The following MOB1B variants were observed in gnomAD, a reference collection of about 807,000 sequenced individuals.
MOB1B encodes MOB1 Mps One Binder homolog B.
Under a neutral mutation model 24.4 loss-of-function variants are expected in MOB1B, and 19 were observed. The observed-to-expected ratio is 0.78, with a 90% CI of 0.54 to 1.14. The LOEUF is 1.14. Among genes scored for constraint, MOB1B ranks in the 50% most tolerant of loss-of-function variants. MOB1B has a pLI of 0.00. For synonymous variants in MOB1B, 76 were observed against 82.1 expected (o/e 0.93, Z 0.40); for missense variants, 243 against 259.6 (o/e 0.94, Z 0.44).
chr4:70,949,852 G>A (rs1282254897), intron 1 of MOB1B, among the ~76,000 whole-genome samples: 2 of 152,066 alleles, frequency 1.3e-5, no homozygotes, highest in Non-Finnish European at 2.9e-5. Flanking sequence ...TGAGGCTGCA[G>A]TGAGCTGTGT....
At chr4:70,935,688 T>TA (rs1454979354) in intron 1 of MOB1B, among the ~76,000 whole-genome samples, 1 of 151,748 alleles carries the variant, frequency 6.6e-6, no homozygotes, top group Non-Finnish European at 1.5e-5. Context: ...GACAGGGTCT[T>TA]ACTCTGTCAC....
At chr4:70,938,313 G>T (rs370170098) in intron 1 of MOB1B, among the ~76,000 whole-genome samples, 1 of 2,318 alleles carries the variant, frequency 4.3e-4, no homozygotes, top group Non-Finnish European at 8.3e-4. Flanking sequence ...CAGATTTGCC[G>T]CCCCCGCCCC....
At position 70,902,482 on chromosome 4, in the gene MOB1B, C is replaced by A; in HGVS notation, c.-55C>A. 6.5e-7 allele frequency: 1 copy of A among 1,546,760 alleles called. No homozygotes were observed. The highest frequency in any genetic ancestry group is 8.7e-7 in the Non-Finnish European group (1 of 1,143,066). On this transcript the variant is annotated 5_prime_UTR_variant, in exon 1 of 6. Transcript: ENST00000309395. ...TCGCCTTTCCTCTTCTTTCCTGGCC[C>A]ACGCCGCTCCGAGGCCTCGCGACCG...
At chr4:70,929,295 T>G (rs1404127285) in intron 1 of MOB1B, among the ~76,000 whole-genome samples, 1 of 149,656 alleles carries the variant, frequency 6.7e-6, no homozygotes, top group Non-Finnish European at 1.5e-5. Flanking sequence ...TCTCCTGCAT[T>G]AGCCTCCCAA....
chr4:70,967,162 C>G (rs1272670508), intron 2 of MOB1B, among the ~76,000 whole-genome samples: 9 of 145,788 alleles, frequency 6.2e-5, no homozygotes, highest in Admixed American at 5.5e-4. Context: ...GAGACGGAGT[C>G]TCGCTCTGTC....
Position 70,950,415 on chromosome 4 carries a change from A to C in MOB1B, c.15-8459A>C, listed in dbSNP as rs1737752531. Among the ~76,000 whole-genome samples the C allele has an allele frequency of 1.4e-5, 2 of 144,840 alleles. 1 individual carries two copies. The highest frequency in any genetic ancestry group is 1.4e-4 in the Admixed American group (2 of 14,680). ...AGCCCTCTAGCCTGGGTGACAGAGC[A>C]AGTCTCTGTATCAAAAAAAAAAAAA... On this transcript the variant is annotated intron_variant, in intron 1 of 5. Transcript: ENST00000309395.
chr4:70,949,388 A>G (rs944366079), intron 1 of MOB1B, among the ~76,000 whole-genome samples: 3 of 152,202 alleles, frequency 2.0e-5, no homozygotes, highest in African/African-American at 7.2e-5. Flanking sequence ...CATAGCTTTT[A>G]GCCTTTAGCT....
intron 1 of MOB1B, among the ~76,000 whole-genome samples, chr4:70,919,020 A>G (rs553230710): frequency 3.5e-4 from 53 of 152,214 alleles, no homozygotes; most frequent in African/African-American, 1.3e-3. Context: ...GACATGGATG[A>G]AATTGGAAAT....
chr4:70,957,663 G>A (rs939546500), intron 1 of MOB1B, among the ~76,000 whole-genome samples: 12 of 151,472 alleles, frequency 7.9e-5, no homozygotes, highest in East Asian at 3.9e-4. Flanking sequence ...GGCTGGTCTC[G>A]AACTCCTGGC....
At chr4:70,916,366 G>A (rs1333154104) in intron 1 of MOB1B, among the ~76,000 whole-genome samples, 2 of 152,162 alleles carry the variant, frequency 1.3e-5, no homozygotes, top group Non-Finnish European at 2.9e-5. Flanking sequence ...TTCTAGAGAT[G>A]GCTGCATGCA....
At chr4:70,933,115 A>G (rs1285980773) in intron 1 of MOB1B, among the ~76,000 whole-genome samples, 2 of 152,144 alleles carry the variant, frequency 1.3e-5, no homozygotes, top group African/African-American at 4.8e-5. Context: ...GAAGGGGGAA[A>G]GGGAAGCAAG....
In MOB1B at chr4:70,902,453, C is replaced by G; in HGVS notation, c.-84C>G. The G allele has an allele frequency of 7.0e-7, 1 of 1,435,544 alleles. No individual in the cohort carries two copies. Among genetic ancestry groups the G allele is most frequent in the Non-Finnish European group, 9.6e-7 (1 of 1,041,976 alleles). The allele number at this position is 1,435,544 out of a possible 1,614,324, so 88.9% of individuals were successfully genotyped here. On this transcript the variant is annotated 5_prime_UTR_variant, in exon 1 of 6. Coordinates refer to ENST00000309395, the MANE Select transcript of MOB1B (RefSeq NM_173468.4). Reference sequence around the variant, plus strand: ...CTCCTCCGCCTCCCTGTCTCCTGTTCCATTCGCCTTTCCTCTTCTTTCCTG... The same window carrying G: ...CTCCTCCGCCTCCCTGTCTCCTGTTGCATTCGCCTTTCCTCTTCTTTCCTG...
chr4:70,957,292 G>C (rs1418359606), intron 1 of MOB1B, among the ~76,000 whole-genome samples: 1 of 140,638 alleles, frequency 7.1e-6, no homozygotes, highest in Non-Finnish European at 1.5e-5. Flanking sequence ...AAAAAAAAAA[G>C]TTCCCACTTC....
chr4:70,944,195 C>G (rs1010217519), intron 1 of MOB1B, among the ~76,000 whole-genome samples: 1 of 152,092 alleles, frequency 6.6e-6, no homozygotes, highest in Non-Finnish European at 1.5e-5. Context: ...CCACCATGCC[C>G]GGCTAATTTT....
chr4:70,911,032 C>T (rs932961363), intron 1 of MOB1B, among the ~76,000 whole-genome samples: 8 of 152,184 alleles, frequency 5.3e-5, no homozygotes, highest in Admixed American at 3.9e-4. Flanking sequence ...GTGATCCGCC[C>T]GCCTTGGCCT....
intron 1 of MOB1B, among the ~76,000 whole-genome samples, chr4:70,927,413 G>A (rs774849959): frequency 1.3e-5 from 2 of 151,980 alleles, no homozygotes; most frequent in African/African-American, 2.4e-5. Flanking sequence ...GGTGGCACTC[G>A]CCTGTAATCC....
chr4:70,969,880 A>T (rs1738685833), intron 2 of MOB1B, 51 bp from the exon 3 acceptor site: 1 of 1,037,756 alleles, frequency 9.6e-7, no homozygotes, highest in South Asian at 1.5e-5. Context: ...TTAAAATTTC[A>T]TTTTAAATTT....
chr4:70,923,229 C>T (rs1037667971), intron 1 of MOB1B, among the ~76,000 whole-genome samples: 4 of 152,208 alleles, frequency 2.6e-5, no homozygotes, highest in African/African-American at 4.8e-5. Flanking sequence ...GAGGAGGGCT[C>T]AGAACTTCTA....
At chr4:70,966,272 T>C (rs995103575) in intron 2 of MOB1B, among the ~76,000 whole-genome samples, 4 of 152,132 alleles carry the variant, frequency 2.6e-5, no homozygotes, top group African/African-American at 9.7e-5. Context: ...GGGCCTCAGG[T>C]TGTGGCTCAC....
Sources: gnomAD v4.1 joint callset for allele counts (sites outside exome capture counted in the v4.1 genomes callset) on GRCh38, gnomAD v4.1.1 for gene constraint, MANE v1.5 for transcripts, NCBI Gene and HGNC (gene_info 2026-07-23, HGNC 2026-07-21) for gene names.